The following OPRM1 variants were observed in gnomAD, a reference collection of about 807,000 sequenced individuals.
OPRM1 encodes mu-type opioid receptor.
Under a neutral mutation model 31.8 loss-of-function variants are expected in OPRM1, and 27 were observed. The observed-to-expected ratio is 0.85, with a 90% CI of 0.63 to 1.17. OPRM1 has a LOEUF of 1.17. OPRM1 is among the 50% of genes most tolerant of loss of function. The probability of loss-of-function intolerance (pLI) is 0.00; values close to 1 mark genes in which losing one functional copy is unlikely to be tolerated. For missense variants in OPRM1, 536 were observed against 511.1 expected (o/e 1.05, Z -0.47); for synonymous variants, 196 against 189.9 (o/e 1.03, Z -0.26).
chr6:154,090,231 G>T, intron 2 of OPRM1, 53 bp downstream of exon 2: 1 of 1,198,166 alleles, frequency 8.3e-7, no homozygotes. Context: ...TGATATGTTG[G>T]TGATGTCATA....
At chr6:154,023,639 A>G (rs1384951906) in intron 1 of OPRM1, among the ~76,000 whole-genome samples, 1 of 152,158 alleles carries the variant, frequency 6.6e-6, no homozygotes, top group Non-Finnish European at 1.5e-5. Flanking sequence ...TCTTAGAGGA[A>G]AGGCTTTCAG....
At chr6:154,083,063 C>T (rs181626652) in intron 1 of OPRM1, among the ~76,000 whole-genome samples, 194 of 152,102 alleles carry the variant, frequency 1.3e-3, no homozygotes, top group African/African-American at 4.6e-3. Flanking sequence ...TTTCAGAAAT[C>T]GAATAATGCA....
intron 1 of OPRM1, among the ~76,000 whole-genome samples, chr6:154,072,344 T>A (rs1786965212): frequency 6.6e-6 from 1 of 152,114 alleles, no homozygotes. Flanking sequence ...TATAAACCAA[T>A]AGATAAAACA....
chr6:154,133,457 A>G (rs1263405504), downstream of OPRM1, among the ~76,000 whole-genome samples: 1 of 152,174 alleles, frequency 6.6e-6, no homozygotes, highest in Non-Finnish European at 1.5e-5. Context: ...CATTTGGGTC[A>G]CCTCCAGTCT....
rs1253015186 is a variant in OPRM1 at position 154,121,664 on chromosome 6, CTGTTTCCCACAT to C, written c.*2947_*2958del. Among the ~76,000 whole-genome samples, 1 of 152,168 alleles carries C rather than the reference CTGTTTCCCACAT, an allele frequency of 6.6e-6. No individual in the cohort carries two copies. Among genetic ancestry groups the C allele is most frequent in the Admixed American group, 6.6e-5 (1 of 15,260 alleles). On this transcript the variant is annotated 3_prime_UTR_variant, in exon 4 of 4. Transcript: ENST00000330432. ...ATTACCCAAAAGATGCTAACAAATT[CTGTTTCCCACAT>C]TGTCACAGCATGCCCTTTACATCTC...
rs373564959 is a variant in OPRM1 at position 154,179,469 on chromosome 6, T to C, written c.1165-67224T>C. Among the ~76,000 whole-genome samples, 231 of 152,332 alleles carry C rather than the reference T, an allele frequency of 1.5e-3. 2 individuals are homozygous for C. The highest frequency in any genetic ancestry group is 3.9e-3 in the African/African-American group (162 of 41,580). On this transcript the variant is annotated intron_variant, in intron 3 of 3. Transcript: ENST00000337049. ...GAGAAGACCGCTTGTCTCTCTCCCA[T>C]TGGAGACGGGAGCCAAATTAATTAT...
intron 3 of OPRM1, among the ~76,000 whole-genome samples, chr6:154,153,069 CT>C (rs764834205): frequency 9.9e-5 from 15 of 152,194 alleles, no homozygotes; most frequent in Non-Finnish European, 1.9e-4. Context: ...AAATTTCTTG[CT>C]TTTCCCCTCA....
chr6:154,129,594 A>T lies in OPRM1; in HGVS notation c.*10873A>T, dbSNP rs1797774288. 2.6e-5 allele frequency among the ~76,000 whole-genome samples: 4 copies of T among 152,348 alleles called. No individual in the cohort carries two copies. Among genetic ancestry groups the T allele is most frequent in the African/African-American group, 9.6e-5 (4 of 41,588 alleles). On this transcript the variant is annotated 3_prime_UTR_variant, in exon 4 of 4. Transcript: ENST00000330432. ...TAATGGAAAAACTAAAATGTCAATA[A>T]TAATTTCAGATGTGTATTTTAGTTC... is the stretch of plus-strand genomic sequence containing the variant.
chr6:154,239,236 C>G (rs76896519), intron 3 of OPRM1, among the ~76,000 whole-genome samples: 1,947 of 152,230 alleles, frequency 0.013, 47 homozygotes, highest in African/African-American at 0.044. Context: ...CACATTACAA[C>G]AAGAAGTTAT....
At chr6:154,099,200 G>T (rs2128497494) in intron 3 of OPRM1, among the ~76,000 whole-genome samples, 1 of 152,030 alleles carries the variant, frequency 6.6e-6, no homozygotes, top group South Asian at 2.1e-4. Context: ...TGGGAGAATT[G>T]ATTGAACCTG....
chr6:154,144,810 G>T (rs911277992), intron 3 of OPRM1, among the ~76,000 whole-genome samples: 4 of 148,338 alleles, frequency 2.7e-5, no homozygotes, highest in African/African-American at 1.0e-4. Context: ...TTATTCCAAG[G>T]AAGCAAGGCT....
intron 3 of OPRM1, among the ~76,000 whole-genome samples, chr6:154,160,955 C>T (rs191396325): frequency 6.6e-6 from 1 of 152,258 alleles, no homozygotes; most frequent in Non-Finnish European, 1.5e-5. Context: ...GCCGAGTCCC[C>T]CTCATGGATC....
intron 1 of OPRM1, among the ~76,000 whole-genome samples, chr6:154,068,597 A>T (rs1438342091): frequency 6.6e-6 from 1 of 152,038 alleles, no homozygotes; most frequent in African/African-American, 2.4e-5. Context: ...TTCTTTATCC[A>T]TTCATATATT....
chr6:154,069,312 T>C (rs1049607809), intron 1 of OPRM1, among the ~76,000 whole-genome samples: 1 of 152,086 alleles, frequency 6.6e-6, no homozygotes, highest in Non-Finnish European at 1.5e-5. Context: ...GATCTTGGCT[T>C]ACTGCAACCT....
At chr6:154,132,903 C>T (rs890010291), downstream of OPRM1, among the ~76,000 whole-genome samples, 4 of 152,080 alleles carry the variant, frequency 2.6e-5, no homozygotes, top group African/African-American at 9.7e-5. Flanking sequence ...GGGTGGATCA[C>T]GAAGTCAGGA....
Position 154,121,465 on chromosome 6 carries a change from A to G in OPRM1, c.*2744A>G, listed in dbSNP as rs1797295465. On this transcript the variant is annotated 3_prime_UTR_variant, in exon 4 of 4. Coordinates refer to ENST00000330432, the MANE Select transcript of OPRM1 (RefSeq NM_000914.5). ...AACTCCTAATGTGGCCATTTGAAAC[A>G]CTTCTCAACATTGAAATAGACAGTT... Among the ~76,000 whole-genome samples, 1 of 152,208 alleles carries G rather than the reference A, an allele frequency of 6.6e-6. No individual in the cohort carries two copies. Among genetic ancestry groups the G allele is most frequent in the South Asian group, 2.1e-4 (1 of 4,830 alleles).
chr6:154,168,042 G>A lies in OPRM1; in HGVS notation c.1164+76570G>A. The A allele has an allele frequency of 6.2e-7, 1 of 1,609,804 alleles. No individual in the cohort carries two copies. Among genetic ancestry groups the A allele is most frequent in the Non-Finnish European group, 8.5e-7 (1 of 1,176,906 alleles). ...GTCGAAGGTCGTCGGTCCCCAAGAG[G>A]AGATAGACTAGCTTGCTCTAATGAT... On this transcript the variant is annotated intron_variant, in intron 3 of 3. Coordinates refer to the OPRM1 transcript ENST00000337049. This position sits in a 1 kb window ranked among gnomAD's most constrained non-coding sequence, Gnocchi z 4.1.
intron 3 of OPRM1, among the ~76,000 whole-genome samples, chr6:154,211,145 G>A (rs936657313): frequency 2.6e-5 from 4 of 152,092 alleles, no homozygotes; most frequent in Admixed American, 6.6e-5. Flanking sequence ...GGCTGGGTGC[G>A]GTGGCTCACG....
At chr6:154,038,156 A>T (rs1779429744), upstream of OPRM1, among the ~76,000 whole-genome samples, 1 of 152,204 alleles carries the variant, frequency 6.6e-6, no homozygotes, top group Non-Finnish European at 1.5e-5. Flanking sequence ...TAATATTGGA[A>T]TTAAATGTTC....
Sources: allele counts gnomAD v4.1 joint callset (sites outside exome capture counted in the v4.1 genomes callset), GRCh38; gene constraint gnomAD v4.1.1; non-coding constraint Gnocchi (gnomAD v3.1); transcripts MANE v1.5; gene names NCBI Gene and HGNC (gene_info 2026-07-23, HGNC 2026-07-21).